Variants in PRAMEF11 observed in about 807,000 individuals in gnomAD.
PRAMEF11 encodes the protein PRAME family member 11.
Under a neutral mutation model 33.6 loss-of-function variants are expected in PRAMEF11, and 17 were observed. That is an observed-to-expected ratio of 0.51 (90% CI 0.35 to 0.76). The LOEUF (loss-of-function observed/expected upper bound fraction) is 0.76, where lower values mean the gene tolerates loss of function less well. Ranked by LOEUF, PRAMEF11 falls within the 30% of genes least tolerant of loss-of-function variation. The pLI, the probability that PRAMEF11 is intolerant of heterozygous loss-of-function variation, is 0.01. For missense variants in PRAMEF11, 568 were observed against 567.0 expected (o/e 1.00, Z -0.02); for synonymous variants, 205 against 227.3 (o/e 0.90, Z 0.88).
In PRAMEF11 at chr1:12,827,746, G is replaced by A; in HGVS notation, c.378C>T (p.Cys126=). 1.2e-6 allele frequency: 2 copies of A among 1,609,706 alleles called. No homozygotes were observed. Among genetic ancestry groups the A allele is most frequent in the Non-Finnish European group, 1.7e-6 (2 of 1,178,372 alleles). Residue 126 remains cysteine (C), a synonymous_variant, in exon 3 of 4, where the codon TGC becomes TGT. Transcript: ENST00000619922. ...TTTTGTTCCTCTTGGCATTGAGGAA[G>A]CACCCATGGGCCATAGCTTCAGACC... The part of the protein sequence containing the change: ...MVWSEAMAHG[C]FLNAKRNKKP...
intron 1 of PRAMEF11, among the ~76,000 whole-genome samples, chr1:12,830,792 C>A (rs78735700): frequency 6.7e-5 from 10 of 150,246 alleles, no homozygotes; most frequent in African/African-American, 2.2e-4. Flanking sequence ...TGTTCGACAC[C>A]AACCTGGCCA....
At chr1:12,827,901 A>G in intron 2 of PRAMEF11, 71 bp from the exon 3 acceptor site, 1 of 1,595,524 alleles carries the variant, frequency 6.3e-7, no homozygotes, top group Non-Finnish European at 8.5e-7. Flanking sequence ...CATCCTGCAT[A>G]GCAGCTCCTC....
Position 12,827,705 on chromosome 1 carries a change from C to G in PRAMEF11, c.419G>C (p.Cys140Ser), listed in dbSNP as rs1380495257. 6.2e-7 allele frequency: 1 copy of G among 1,609,912 alleles called. No individual in the cohort carries two copies. Among genetic ancestry groups the G allele is most frequent in the Non-Finnish European group, 8.5e-7 (1 of 1,178,050 alleles). The change falls in exon 3 of 4, where the codon TGT becomes TCT. Residue 140 changes from cysteine (C) to serine (S), a missense_variant. Cys to Ser is a moderately radical substitution (Grantham distance 112). This residue lies in a region of PRAMEF11 where 342 missense variants were observed against 312.0 expected (regional missense o/e 1.10). Transcript: ENST00000619922. ...AKRNKKPVQD[C>S]PRMRGRQPLT... is the part of the protein sequence containing the mutation. ...GGGCTGCCGTCCTCTCATCCTTGGA[C>G]AGTCCTGCACTGGTTTTTTGTTCCT...
In PRAMEF11 at chr1:12,828,757, G is replaced by A. The variant is rs775976119; in HGVS notation, c.33C>T (p.Leu11=). ...GCAGGCTCCGCCCCGCAAGCTCCAG[G>A]AGTCTGGGTGGAATCCGGATGCTCA... is the stretch of plus-strand genomic sequence containing the variant. MKMSIRIPPR[L]LELAGRSLLR... Residue 11 remains leucine, a synonymous_variant, in exon 2 of 4, where the codon CTC becomes CTT. Coordinates refer to ENST00000619922, the MANE Select transcript of PRAMEF11 (RefSeq NM_001146344.3). 1.2e-6 allele frequency: 2 copies of A among 1,606,074 alleles called. No individual in the cohort carries two copies. Among genetic ancestry groups the A allele is most frequent in the South Asian group, 2.2e-5 (2 of 90,172 alleles).
At position 12,827,418 on chromosome 1, in the gene PRAMEF11, G is replaced by T. The variant is rs761099840; in HGVS notation, c.706C>A (p.Leu236Ile). Residue 236 changes from leucine to isoleucine, a missense_variant, in exon 3 of 4, where the codon CTT becomes ATT. Around this residue, in one of 3 missense-constraint regions of PRAMEF11, gnomAD observed 342 missense variants for 312.0 expected, o/e 1.10. Transcript: ENST00000619922. Reference sequence around the variant, plus strand: ...ATGTGGGAGAGAACGAGCTTCTGAAGATTCCTCAAGTGGCCCAGGTATGGG... The same window carrying T: ...ATGTGGGAGAGAACGAGCTTCTGAATATTCCTCAAGTGGCCCAGGTATGGG... ...FTPYLGHLRNLQKLVLSHMDV... is the reference protein window; with the variant it reads ...FTPYLGHLRNIQKLVLSHMDV... 7.5e-6 allele frequency: 12 copies of T among 1,607,132 alleles called. No homozygotes were observed. Among genetic ancestry groups the T allele is most frequent in the Admixed American group, 6.7e-5 (4 of 59,712 alleles).
At chr1:12,825,833 G>C (rs1736828) in intron 3 of PRAMEF11, among the ~76,000 whole-genome samples, 88 of 150,744 alleles carry the variant, frequency 5.8e-4, no homozygotes, top group African/African-American at 1.8e-3. Flanking sequence ...AATTAGCCAG[G>C]TGTGGTGGCG....
chr1:12,824,631 C>G lies in PRAMEF11; in HGVS notation c.*311G>C. 1 of 340,850 alleles carries G rather than the reference C, an allele frequency of 2.9e-6. No individual in the cohort carries two copies. The highest frequency in any genetic ancestry group is 5.4e-6 in the Non-Finnish European group (1 of 186,306). The allele number at this position is 340,850 out of a possible 1,614,324, so 21.1% of individuals were successfully genotyped here. A position where few individuals can be genotyped will look rare whatever the true frequency, so the allele number is the denominator to read the frequency against. On this transcript the variant is annotated 3_prime_UTR_variant, in exon 4 of 4. Transcript: ENST00000619922. ...GATTCTGCTCAGTTTTCCTTTATTT[C>G]TGATTGTTTCTTTACAACCATCCAT...
intron 1 of PRAMEF11, among the ~76,000 whole-genome samples, chr1:12,830,786 C>T (rs796666355): frequency 6.7e-6 from 1 of 150,270 alleles, no homozygotes; most frequent in Non-Finnish European, 1.5e-5. Context: ...GTCAGGTGTT[C>T]GACACCAACC....
rs1340411766 is a variant in PRAMEF11 at position 12,830,564 on chromosome 1, G to A, written c.-17+792C>T. On this transcript the variant is annotated intron_variant, in intron 1 of 3. Coordinates refer to ENST00000619922, the MANE Select transcript of PRAMEF11 (RefSeq NM_001146344.3). ...AGGGTGTCTCTCTTTTGCCCAGGCT[G>A]GAGTACAGGAGTGGTATGAGCATGG... Among the ~76,000 whole-genome samples the A allele has an allele frequency of 4.0e-5, 6 of 151,050 alleles. 1 individual carries two copies. Among genetic ancestry groups the A allele is most frequent in the African/African-American group, 1.5e-4 (6 of 41,230 alleles).
At chr1:12,827,186 A>C (rs1354827640) in intron 3 of PRAMEF11, 63 bp downstream of exon 3, 9 of 1,512,018 alleles carry the variant, frequency 6.0e-6, no homozygotes, top group Non-Finnish European at 8.1e-6. Flanking sequence ...GTAGATGCCC[A>C]CTAGTGTTCA....
rs1361647071 is a variant in PRAMEF11, at chr1:12,830,208, G to A, written c.-17+1148C>T. 5.3e-5 allele frequency among the ~76,000 whole-genome samples: 8 copies of A among 151,334 alleles called. No individual in the cohort carries two copies. In the East Asian group the frequency reaches 1.4e-3, roughly 26 times the overall value. ...ATCAAAATATTTCAGAGTTAAAACAGTTTTCAAAGACAGAGATGACAGTCC... is the reference window on the plus strand; with the variant it reads ...ATCAAAATATTTCAGAGTTAAAACAATTTTCAAAGACAGAGATGACAGTCC... On this transcript the variant is annotated intron_variant, in intron 1 of 3. Transcript: ENST00000619922.
At chr1:12,829,868 C>G (rs201870170) in intron 1 of PRAMEF11, among the ~76,000 whole-genome samples, 1 of 151,198 alleles carries the variant, frequency 6.6e-6, no homozygotes, top group East Asian at 2.0e-4. Flanking sequence ...CTAGATTGAA[C>G]AGAGAGACAG....
chr1:12,827,079 T>G (rs2743672), intron 3 of PRAMEF11, among the ~76,000 whole-genome samples, 170 bp downstream of exon 3: 52,319 of 149,658 alleles, frequency 0.35, 10,574 homozygotes, highest in East Asian at 0.5. Context: ...ATTGGGAGGG[T>G]TGCATGATAC....
intron 1 of PRAMEF11, 67 bp from the exon 2 acceptor site, chr1:12,828,872 C>T: frequency 6.3e-7 from 1 of 1,598,350 alleles, no homozygotes; most frequent in Non-Finnish European, 8.5e-7. Context: ...CTCATCTTCT[C>T]CCAGGGCCAA....
At chr1:12,829,661 T>C (rs1211114223) in intron 1 of PRAMEF11, among the ~76,000 whole-genome samples, 3 of 151,386 alleles carry the variant, frequency 2.0e-5, no homozygotes, top group Non-Finnish European at 4.4e-5. Flanking sequence ...CTACCCCTCT[T>C]GGCCTCCCAA....
chr1:12,824,975 A>C lies in PRAMEF11; in HGVS notation c.1404T>G (p.Phe468Leu). 1 of 1,609,642 alleles carries C rather than the reference A, an allele frequency of 6.2e-7. No homozygotes were observed. Among genetic ancestry groups the C allele is most frequent in the Non-Finnish European group, 8.5e-7 (1 of 1,177,738 alleles). Residue 468 changes from phenylalanine (F) to leucine (L), a missense_variant, in exon 4 of 4, where the codon TTT becomes TTG. Physicochemically the swap from Phe to Leu is conservative, Grantham distance 22 (BLOSUM62 0). Around this residue, in one of 3 missense-constraint regions of PRAMEF11, gnomAD observed 174 missense variants for 127.2 expected, o/e 1.37. Transcript: ENST00000619922. ...AGTATTGATCTGCCTCCAGGTCATA[A>C]AATGACCTGTCGCCATGGTCAGGGC... ...DNCPDHGDRS[F>L]YDLEADQYCC
At chr1:12,828,393 C>T in intron 2 of PRAMEF11, 104 bp downstream of exon 2, 2 of 1,428,208 alleles carry the variant, frequency 1.4e-6, no homozygotes, top group Non-Finnish European at 1.9e-6. Context: ...TCTCGGCTTC[C>T]TCACCACCAC....
At chr1:12,830,028 C>G (rs1260270823) in intron 1 of PRAMEF11, among the ~76,000 whole-genome samples, 2 of 151,116 alleles carry the variant, frequency 1.3e-5, no homozygotes, top group Non-Finnish European at 3.0e-5. Flanking sequence ...GACTCATTCA[C>G]TGATTCCCTT....
At chr1:12,825,585 G>T in intron 3 of PRAMEF11, 82 bp from the exon 4 acceptor site, 1 of 609,850 alleles carries the variant, frequency 1.6e-6, no homozygotes, top group East Asian at 2.9e-5. Flanking sequence ...CAAGGTAATG[G>T]ATGGAGACCA....
Sources: allele counts gnomAD v4.1 joint callset (sites outside exome capture counted in the v4.1 genomes callset), GRCh38; gene constraint gnomAD v4.1.1; regional missense constraint gnomAD v4.1.1; transcripts MANE v1.5; gene names NCBI Gene and HGNC (gene_info 2026-07-23, HGNC 2026-07-21).